The following PCDHA5 variants were observed in gnomAD, a reference collection of about 807,000 sequenced individuals.
The protein encoded by PCDHA5 is protocadherin alpha-5.
A neutral mutation model predicts 61.6 loss-of-function variants in PCDHA5; 43 were observed. That is an observed-to-expected ratio of 0.70 (90% confidence interval 0.55 to 0.90). PCDHA5 has a LOEUF of 0.90. Ranked by LOEUF, PCDHA5 falls within the 40% of genes least tolerant of loss-of-function variation. The probability of loss-of-function intolerance (pLI) is 0.00; values close to 1 mark genes in which losing one functional copy is unlikely to be tolerated. For missense variants in PCDHA5, 1,298 were observed against 1,222.7 expected (o/e 1.06, Z -0.92); for synonymous variants, 627 against 543.9 (o/e 1.15, Z -2.13).
intron 1 of PCDHA5, among the ~76,000 whole-genome samples, chr5:140,890,620 A>G (rs1554184472): frequency 6.6e-6 from 1 of 152,196 alleles, no homozygotes; most frequent in East Asian, 1.9e-4. Flanking sequence ...TTACCCTAGA[A>G]AATTAAGCAT....
chr5:140,924,391 T>C (rs2081808127), intron 1 of PCDHA5, among the ~76,000 whole-genome samples: 1 of 152,326 alleles, frequency 6.6e-6, no homozygotes, highest in East Asian at 1.9e-4. Flanking sequence ...TTACTACTTA[T>C]ATTGCCTTAT....
chr5:140,878,350 T>C (rs932815141), intron 1 of PCDHA5, among the ~76,000 whole-genome samples: 1 of 152,250 alleles, frequency 6.6e-6, no homozygotes, highest in Non-Finnish European at 1.5e-5. Context: ...CACAATAATA[T>C]AAATGATATG....
At chr5:140,915,995 C>T (rs1256886751) in intron 1 of PCDHA5, among the ~76,000 whole-genome samples, 4 of 152,180 alleles carry the variant, frequency 2.6e-5, no homozygotes, top group African/African-American at 4.8e-5. Context: ...TAAGCTGGCA[C>T]TCAAACCACA....
rs782446287 is a variant in PCDHA5, at chr5:140,870,927, T to A, written c.2352+46800T>A. The A allele has an allele frequency of 1.9e-6, 3 of 1,613,762 alleles. No homozygotes were observed. The African/African-American group carries it at 4.0e-5, about 22-fold the overall frequency. ...CAGGCTACAACGCGTGGCTTTCATA[T>A]GAATTGCAGCCGGCGGCGGGCGGCT... is the stretch of plus-strand genomic sequence containing the variant. On this transcript the variant is annotated intron_variant, in intron 1 of 3. Transcript: ENST00000529859.
chr5:140,871,271 C>T (rs1369255733), intron 1 of PCDHA5: 1 of 1,613,830 alleles, frequency 6.2e-7, no homozygotes, highest in African/African-American at 1.3e-5. Context: ...CTGTGGTGGT[C>T]GGCAACGCCC....
intron 1 of PCDHA5, among the ~76,000 whole-genome samples, chr5:140,899,769 T>C (rs376898324): frequency 4.6e-4 from 70 of 152,316 alleles, no homozygotes; most frequent in African/African-American, 1.7e-3. Flanking sequence ...CAGTTCCTCC[T>C]TTTACCTCTG....
chr5:140,971,284 A>G lies in PCDHA5; in HGVS notation c.2353-7665A>G, dbSNP rs573117700. 1.7e-3 allele frequency among the ~76,000 whole-genome samples: 257 copies of G among 152,334 alleles called. 1 individual carries two copies. The highest frequency in any genetic ancestry group is 3.4e-3 in the Non-Finnish European group (234 of 68,028). ...CTGTCTTACACTGACCTGTATATTAATATGTACTTTGGTACACAAACATTT... is the reference window on the plus strand; with the variant it reads ...CTGTCTTACACTGACCTGTATATTAGTATGTACTTTGGTACACAAACATTT... On this transcript the variant is annotated intron_variant, in intron 1 of 3. Transcript: ENST00000529859.
chr5:140,901,611 T>C (rs1261733801), intron 1 of PCDHA5, among the ~76,000 whole-genome samples: 1 of 152,204 alleles, frequency 6.6e-6, no homozygotes, highest in Non-Finnish European at 1.5e-5. Flanking sequence ...ATCTCTATGG[T>C]ATAATTTGAA....
rs546348432 is a variant in PCDHA5, at chr5:141,012,203, T to G, written c.*2266T>G. ...TTATAATGTATCTGTACAGCACTTTTTACATTTGCGAAGTGCTTTCCAATC... is the reference window on the plus strand; with the variant it reads ...TTATAATGTATCTGTACAGCACTTTGTACATTTGCGAAGTGCTTTCCAATC... On this transcript the variant is annotated 3_prime_UTR_variant, in exon 4 of 4. Transcript: ENST00000529859. 2.0e-5 allele frequency: 3 copies of G among 153,792 alleles called. No individual in the cohort carries two copies. The highest frequency in any genetic ancestry group is 4.4e-5 in the Non-Finnish European group (3 of 68,050). The allele number at this position is 153,792 out of a possible 1,614,324, so 9.5% of individuals were successfully genotyped here.
intron 3 of PCDHA5, among the ~76,000 whole-genome samples, chr5:140,986,392 C>T (rs1331552974): frequency 1.3e-5 from 2 of 152,162 alleles, no homozygotes; most frequent in South Asian, 2.1e-4. Context: ...CATTAAAGGG[C>T]CAGTCGCTCA....
chr5:140,841,888 T>G, intron 1 of PCDHA5: 1 of 1,613,782 alleles, frequency 6.2e-7, no homozygotes, highest in East Asian at 2.2e-5. Context: ...ACGATGAGAA[T>G]AAACTGGTTG....
At chr5:140,983,092 T>C (rs782172308) in intron 3 of PCDHA5, among the ~76,000 whole-genome samples, 4 of 152,178 alleles carry the variant, frequency 2.6e-5, no homozygotes, top group Non-Finnish European at 5.9e-5. Flanking sequence ...TCAAAGTCAA[T>C]CTGCTTCTCT....
At chr5:140,930,143 T>C (rs1375967730) in intron 1 of PCDHA5, 4 of 152,204 alleles carry the variant, frequency 2.6e-5, no homozygotes, top group Non-Finnish European at 5.9e-5. Context: ...ACCTTTTGTT[T>C]TGTGTTTCTA....
rs2150126875 is a variant in PCDHA5 at position 140,823,556 on chromosome 5, G to A, written c.1781G>A (p.Arg594His). Reference protein sequence around the residue: ...VGAGHVVAKVRAVDPDSGYNA... With the variant: ...VGAGHVVAKVHAVDPDSGYNA... ...GCGGGCCACGTGGTGGCGAAGGTGC[G>A]CGCAGTGGACCCTGATTCGGGCTAC... is the stretch of plus-strand genomic sequence containing the variant. The change falls in exon 1 of 4, where the codon CGC (arginine) becomes CAC (histidine). Residue 594 changes from arginine to histidine, a missense_variant. Physicochemically the swap from Arg to His is conservative, Grantham distance 29. Transcript: ENST00000529859. 5 of 1,613,888 alleles carry A rather than the reference G, an allele frequency of 3.1e-6. No individual in the cohort carries two copies. The highest frequency in any genetic ancestry group is 3.4e-6 in the Non-Finnish European group (4 of 1,179,918).
At chr5:140,873,162 G>A (rs782467879) in intron 1 of PCDHA5, among the ~76,000 whole-genome samples, 21 of 152,108 alleles carry the variant, frequency 1.4e-4, no homozygotes, top group Non-Finnish European at 2.2e-4. Flanking sequence ...ACTTTAGATC[G>A]AGAGCTTTTG....
chr5:140,857,738 C>T, intron 1 of PCDHA5: 1 of 1,597,432 alleles, frequency 6.3e-7, no homozygotes, highest in Non-Finnish European at 8.6e-7. Flanking sequence ...CGCTCCCGCG[C>T]TGCTGGCGTC....
chr5:140,984,645 C>T (rs1354690786), intron 3 of PCDHA5, among the ~76,000 whole-genome samples: 1 of 152,164 alleles, frequency 6.6e-6, no homozygotes, highest in African/African-American at 2.4e-5. Flanking sequence ...TGCCTTCTCC[C>T]TGTCCTTCTG....
intron 1 of PCDHA5, chr5:140,858,289 T>C: frequency 6.3e-7 from 1 of 1,597,184 alleles, no homozygotes; most frequent in Non-Finnish European, 8.6e-7. Flanking sequence ...GGAGCTGGTC[T>C]TACTCGCAGC....
intron 1 of PCDHA5, chr5:140,860,372 C>A (rs1315450697): frequency 1.3e-5 from 2 of 151,984 alleles, no homozygotes; most frequent in Non-Finnish European, 2.9e-5. Flanking sequence ...CAAAGTGAGA[C>A]CCTATTTCAA....
Sources: allele counts gnomAD v4.1 joint callset (sites outside exome capture counted in the v4.1 genomes callset), GRCh38; gene constraint gnomAD v4.1.1; transcripts MANE v1.5; gene names NCBI Gene and HGNC (gene_info 2026-07-23, HGNC 2026-07-21).